Variants in KCNB2 observed in about 807,000 individuals in gnomAD.
KCNB2 encodes the protein potassium voltage-gated channel subfamily B member 2.
A neutral mutation model predicts 61.5 loss-of-function variants in KCNB2; 15 were observed. That is an observed-to-expected ratio of 0.24 (90% confidence interval 0.16 to 0.38). The LOEUF (loss-of-function observed/expected upper bound fraction) is 0.38. KCNB2 is among the 10% of genes least tolerant of loss of function. The pLI is 1.00. For synonymous variants in KCNB2, 457 were observed against 446.0 expected (o/e 1.02, Z -0.31); for missense variants, 828 against 1,125.2 (o/e 0.74, Z 3.78).
rs545878057 is a variant in KCNB2 at position 72,907,537 on chromosome 8, ATACTGCTT to A, written c.580-28397_580-28390del. Among the ~76,000 whole-genome samples, 43 of 152,336 alleles carry A rather than the reference ATACTGCTT, an allele frequency of 2.8e-4. No individual in the cohort carries two copies. The South Asian group carries it at 8.7e-3, about 31-fold the overall frequency. On this transcript the variant is annotated intron_variant, in intron 2 of 2. Coordinates refer to ENST00000523207, the MANE Select transcript of KCNB2 (RefSeq NM_004770.3). ...GCTCATGGTATGCTCAGCAGAGCAGATACTGCTTGAAGCCCCTCCCTAAAGGCTTCATG... is the reference window on the plus strand; with the variant it reads ...GCTCATGGTATGCTCAGCAGAGCAGAGAAGCCCCTCCCTAAAGGCTTCATG...
intron 2 of KCNB2, among the ~76,000 whole-genome samples, chr8:72,738,579 G>A (rs1807890291): frequency 6.6e-6 from 1 of 152,160 alleles, no homozygotes; most frequent in Admixed American, 6.5e-5. Context: ...ATATGCCAAT[G>A]CATTAATGTG....
At chr8:72,651,259 A>T (rs1384557157) in intron 2 of KCNB2, among the ~76,000 whole-genome samples, 3 of 152,148 alleles carry the variant, frequency 2.0e-5, no homozygotes, top group Non-Finnish European at 4.4e-5. Context: ...TTAATATCCA[A>T]TTTGACCTAT....
chr8:72,850,190 AGTGTGT>A (rs745821437), intron 2 of KCNB2, among the ~76,000 whole-genome samples: 37 of 87,948 alleles, frequency 4.2e-4, no homozygotes, highest in African/African-American at 1.3e-3. Flanking sequence ...AGTGTATGTA[AGTGTGT>A]GTGTGTGTGT....
At chr8:72,646,693 C>T (rs959724532) in intron 2 of KCNB2, among the ~76,000 whole-genome samples, 7 of 152,148 alleles carry the variant, frequency 4.6e-5, no homozygotes, top group African/African-American at 1.4e-4. Context: ...TTCATAGAGG[C>T]AGAACATAGA....
At chr8:72,797,921 A>AT (rs1809057073) in intron 2 of KCNB2, among the ~76,000 whole-genome samples, 1 of 152,194 alleles carries the variant, frequency 6.6e-6, no homozygotes, top group African/African-American at 2.4e-5. Context: ...TTAAAATTTT[A>AT]TATCTGTGTC....
chr8:72,808,289 A>C (rs1442397090), intron 2 of KCNB2, among the ~76,000 whole-genome samples: 1 of 152,216 alleles, frequency 6.6e-6, no homozygotes, highest in African/African-American at 2.4e-5. Flanking sequence ...CTAAATATAT[A>C]TAATAATCTC....
intron 2 of KCNB2, among the ~76,000 whole-genome samples, chr8:72,596,689 C>T (rs75529948): frequency 0.012 from 1,876 of 152,224 alleles, 34 homozygotes; most frequent in African/African-American, 0.042. Flanking sequence ...GTTCTATATA[C>T]TCTATAAAGG....
At chr8:72,868,947 A>T (rs75854438) in intron 2 of KCNB2, among the ~76,000 whole-genome samples, 3,071 of 152,140 alleles carry the variant, frequency 0.02, 109 homozygotes, top group African/African-American at 0.07. Flanking sequence ...CCTTTTTTCC[A>T]CCAAAGTCCT....
chr8:72,684,906 C>G (rs775556377), intron 2 of KCNB2, among the ~76,000 whole-genome samples: 2 of 152,130 alleles, frequency 1.3e-5, no homozygotes, highest in Non-Finnish European at 2.9e-5. Context: ...GTGCTTCAGC[C>G]CTGTGAACAA....
At position 72,586,127 on chromosome 8, in the gene KCNB2, C is replaced by G. The variant is rs557864990; in HGVS notation, c.579+17814C>G. 1.2e-3 allele frequency among the ~76,000 whole-genome samples: 184 copies of G among 152,302 alleles called. 1 individual carries two copies. The highest frequency in any genetic ancestry group is 2.3e-3 in the Non-Finnish European group (159 of 68,022). On this transcript the variant is annotated intron_variant, in intron 2 of 2. Coordinates refer to ENST00000523207, the MANE Select transcript of KCNB2 (RefSeq NM_004770.3). ...TGCCTTAGGCTTACCAGAATGAATTCCTACAGCATTTCCATTCCCTACCTC... is the reference window on the plus strand; with the variant it reads ...TGCCTTAGGCTTACCAGAATGAATTGCTACAGCATTTCCATTCCCTACCTC...
At chr8:72,652,321 C>T (rs983292636) in intron 2 of KCNB2, among the ~76,000 whole-genome samples, 1 of 152,102 alleles carries the variant, frequency 6.6e-6, no homozygotes, top group African/African-American at 2.4e-5. Context: ...TCATGCAAAG[C>T]CCACAGAATT....
intron 2 of KCNB2, among the ~76,000 whole-genome samples, chr8:72,712,494 T>G (rs903698926): frequency 2.0e-5 from 3 of 152,218 alleles, no homozygotes; most frequent in African/African-American, 7.2e-5. Flanking sequence ...ATAATGTGGT[T>G]TTCTTTGGTA....
chr8:72,725,591 G>GTATA (rs60157669), intron 2 of KCNB2, among the ~76,000 whole-genome samples: 433 of 51,836 alleles, frequency 8.4e-3, no homozygotes, highest in South Asian at 0.015. Context: ...ATATATGTAT[G>GTATA]TATATATATA....
At chr8:72,712,895 G>C (rs1807349324) in intron 2 of KCNB2, among the ~76,000 whole-genome samples, 1 of 152,306 alleles carries the variant, frequency 6.6e-6, no homozygotes, top group African/African-American at 2.4e-5. Flanking sequence ...AAGGGGTCAG[G>C]GAATTCCCTT....
At chr8:72,686,137 A>G (rs529882128) in intron 2 of KCNB2, among the ~76,000 whole-genome samples, 5 of 152,290 alleles carry the variant, frequency 3.3e-5, no homozygotes, top group African/African-American at 9.6e-5. Flanking sequence ...ATGTTTATCT[A>G]TAAGATTGTT....
At chr8:72,798,884 A>C (rs907741129) in intron 2 of KCNB2, among the ~76,000 whole-genome samples, 2 of 152,144 alleles carry the variant, frequency 1.3e-5, no homozygotes, top group Non-Finnish European at 2.9e-5. Flanking sequence ...TGGTGGGGCA[A>C]GGAAGTGACA....
chr8:72,790,694 C>T (rs2128998671), intron 2 of KCNB2, among the ~76,000 whole-genome samples: 1 of 152,192 alleles, frequency 6.6e-6, no homozygotes, highest in Non-Finnish European at 1.5e-5. Context: ...TAACAATATC[C>T]TAATTTTTCA....
At chr8:72,923,978 T>C (rs1224270648) in intron 2 of KCNB2, among the ~76,000 whole-genome samples, 1 of 152,172 alleles carries the variant, frequency 6.6e-6, no homozygotes, top group Non-Finnish European at 1.5e-5. Context: ...TAAACGTAAT[T>C]GTCATGACTA....
rs1806973309 is a variant in KCNB2 at position 72,938,229 on chromosome 8, T to C, written c.*138T>C. 1.5e-6 allele frequency: 1 copy of C among 664,168 alleles called. No homozygotes were observed. The highest frequency in any genetic ancestry group is 2.0e-5 in the South Asian group (1 of 51,056). The allele number at this position is 664,168 out of a possible 1,614,324, so 41.1% of individuals were successfully genotyped here. ...AAGTGCATAAAATGTTATTTTTGCATGGCATGAACAGTTTAGCTTAAGTAC... is the reference window on the plus strand; with the variant it reads ...AAGTGCATAAAATGTTATTTTTGCACGGCATGAACAGTTTAGCTTAAGTAC... On this transcript the variant is annotated 3_prime_UTR_variant, in exon 3 of 3. Transcript: ENST00000523207.
Sources: allele counts gnomAD v4.1 joint callset (sites outside exome capture counted in the v4.1 genomes callset), GRCh38; gene constraint gnomAD v4.1.1; transcripts MANE v1.5; gene names NCBI Gene and HGNC (gene_info 2026-07-23, HGNC 2026-07-21).